The following PHKB variants were observed in gnomAD, a reference collection of about 807,000 sequenced individuals.
PHKB encodes phosphorylase b kinase regulatory subunit beta.
A neutral mutation model predicts 152.1 loss-of-function variants in PHKB; 122 were observed. The observed-to-expected ratio is 0.80, with a 90% CI of 0.69 to 0.93. The LOEUF (loss-of-function observed/expected upper bound fraction) is 0.93. PHKB is among the 40% of genes least tolerant of loss of function. The pLI is 0.00. For synonymous variants in PHKB, 436 were observed against 464.9 expected, an observed-to-expected ratio of 0.94 and a Z score of 0.80; for missense variants, 1,304 against 1,328.4, an observed-to-expected ratio of 0.98 and a Z score of 0.29.
intron 18 of PHKB, among the ~76,000 whole-genome samples, chr16:47,649,477 T>C (rs565634997): frequency 2.0e-5 from 3 of 152,288 alleles, no homozygotes; most frequent in Non-Finnish European, 2.9e-5. Context: ...GGGACCTATT[T>C]TGAAAAATAT....
At chr16:47,517,065 A>AGAGCATGCCAGTC (rs1342199050) in intron 6 of PHKB, among the ~76,000 whole-genome samples, 1 of 152,114 alleles carries the variant, frequency 6.6e-6, no homozygotes, top group Non-Finnish European at 1.5e-5. Flanking sequence ...AAACAAATAA[A>AGAGCATGCCAGTC]AGAAGCATGA....
At chr16:47,490,788 G>A (rs996534657) in intron 1 of PHKB, among the ~76,000 whole-genome samples, 1 of 152,102 alleles carries the variant, frequency 6.6e-6, no homozygotes, top group South Asian at 2.1e-4. Flanking sequence ...AGTGCCCCAA[G>A]AGTACCCTGT....
At chr16:47,669,455 T>A (rs752208005) in intron 26 of PHKB, 38 bp downstream of exon 26, 1 of 1,586,558 alleles carries the variant, frequency 6.3e-7, no homozygotes, top group East Asian at 2.2e-5. Context: ...AAGAGAATTG[T>A]TCAAGTTGTC....
At chr16:47,690,989 G>A (rs893513894) in intron 27 of PHKB, among the ~76,000 whole-genome samples, 1 of 152,144 alleles carries the variant, frequency 6.6e-6, no homozygotes, top group African/African-American at 2.4e-5. Flanking sequence ...GGAGGCTGGA[G>A]CAGGAGCGTC....
chr16:47,631,105 C>G (rs1972818128), intron 14 of PHKB, among the ~76,000 whole-genome samples: 1 of 152,160 alleles, frequency 6.6e-6, no homozygotes, highest in Non-Finnish European at 1.5e-5. Context: ...ATTGTGTGAG[C>G]CAATCCATAT....
chr16:47,534,249 C>G (rs987101345), intron 6 of PHKB, among the ~76,000 whole-genome samples: 7 of 152,220 alleles, frequency 4.6e-5, no homozygotes, highest in African/African-American at 1.7e-4. Flanking sequence ...GTACCACAGA[C>G]AGGTTACAGA....
At chr16:47,521,097 T>A (rs1970677662) in intron 6 of PHKB, among the ~76,000 whole-genome samples, 2 of 152,226 alleles carry the variant, frequency 1.3e-5, no homozygotes, top group South Asian at 2.1e-4. Flanking sequence ...TATAAATTGA[T>A]CTTGTGTTCT....
At chr16:47,465,378 C>CA (rs1969650384) in intron 1 of PHKB, among the ~76,000 whole-genome samples, 1 of 152,160 alleles carries the variant, frequency 6.6e-6, no homozygotes, top group African/African-American at 2.4e-5. Context: ...TTTTATGCAT[C>CA]AACAGTCCTG....
chr16:47,488,461 ATTTTTG>A (rs1447287846), intron 1 of PHKB, among the ~76,000 whole-genome samples: 1 of 151,890 alleles, frequency 6.6e-6, no homozygotes, highest in African/African-American at 2.4e-5. Context: ...CCAATTGTCA[ATTTTTG>A]TTTTTGTTTT....
intron 7 of PHKB, among the ~76,000 whole-genome samples, chr16:47,558,900 A>G (rs1283778557): frequency 6.6e-6 from 1 of 152,188 alleles, no homozygotes. Flanking sequence ...AATTCATCCC[A>G]TAGCTGTTTT....
chr16:47,519,899 A>G (rs1970657753), intron 6 of PHKB, among the ~76,000 whole-genome samples: 1 of 151,828 alleles, frequency 6.6e-6, no homozygotes, highest in South Asian at 2.1e-4. Flanking sequence ...ATTTTATTCT[A>G]TTATTTTCTA....
At chr16:47,552,594 A>G (rs1193158239) in intron 7 of PHKB, among the ~76,000 whole-genome samples, 2 of 152,126 alleles carry the variant, frequency 1.3e-5, no homozygotes, top group African/African-American at 2.4e-5. Context: ...GTGGATCACA[A>G]GGTCAGGAGT....
intron 26 of PHKB, among the ~76,000 whole-genome samples, chr16:47,684,654 C>T (rs1380504398): frequency 6.6e-6 from 1 of 151,954 alleles, no homozygotes; most frequent in Non-Finnish European, 1.5e-5. Flanking sequence ...GTAGTCCCAG[C>T]TACTCGGGAA....
At chr16:47,487,975 C>T (rs747419069) in intron 1 of PHKB, among the ~76,000 whole-genome samples, 7 of 152,132 alleles carry the variant, frequency 4.6e-5, no homozygotes, top group African/African-American at 9.7e-5. Context: ...GTTGCTGGAT[C>T]GAGTGATAGT....
At chr16:47,591,848 C>T (rs1972034347) in intron 10 of PHKB, among the ~76,000 whole-genome samples, 1 of 152,158 alleles carries the variant, frequency 6.6e-6, no homozygotes, top group Non-Finnish European at 1.5e-5. Flanking sequence ...ACCCATCTAC[C>T]TTTGTCAATC....
rs1189047485 is a variant in PHKB, at chr16:47,701,080, G to A, written c.*1714G>A. 1.3e-5 allele frequency: 2 copies of A among 152,132 alleles called. No homozygotes were observed. Among genetic ancestry groups the A allele is most frequent in the African/African-American group, 4.8e-5 (2 of 41,422 alleles). The allele number at this position is 152,132 out of a possible 1,614,324, so 9.4% of individuals were successfully genotyped here. On this transcript the variant is annotated 3_prime_UTR_variant, in exon 31 of 31. Coordinates refer to ENST00000323584, the MANE Select transcript of PHKB (RefSeq NM_000293.3). ...GAGTTTATGAAAAGATAGTCGTGAA[G>A]GGTGAAGCTAATTTGTAAAACTAAT...
chr16:47,541,613 A>G (rs1971061146), intron 6 of PHKB, among the ~76,000 whole-genome samples: 1 of 152,206 alleles, frequency 6.6e-6, no homozygotes, highest in Non-Finnish European at 1.5e-5. Context: ...ACTCCCATCA[A>G]CAGTGTAAAA....
At chr16:47,652,379 CT>C (rs112153239) in intron 20 of PHKB, among the ~76,000 whole-genome samples, 2,480 of 116,716 alleles carry the variant, frequency 0.021, 52 homozygotes, top group African/African-American at 0.063. Context: ...CTCTAGTGGT[CT>C]TTTTTTTTTT....
intron 1 of PHKB, among the ~76,000 whole-genome samples, chr16:47,485,884 G>A (rs1226722813): frequency 6.6e-6 from 1 of 151,736 alleles, no homozygotes; most frequent in East Asian, 1.9e-4. Context: ...GCCTCCCAAA[G>A]TGCTGGGATT....
Sources: gnomAD v4.1 joint callset for allele counts (sites outside exome capture counted in the v4.1 genomes callset) on GRCh38, gnomAD v4.1.1 for gene constraint, MANE v1.5 for transcripts, NCBI Gene and HGNC (gene_info 2026-07-23, HGNC 2026-07-21) for gene names.